PCDHGB2: variants seen among roughly 807,000 people sequenced by gnomAD.
PCDHGB2 encodes the protein protocadherin gamma subfamily B, 2, also known as protocadherin gamma-B2.
A neutral mutation model predicts 59.3 loss-of-function variants in PCDHGB2; 55 were observed. That is an observed-to-expected ratio of 0.93 (90% CI 0.75 to 1.16). PCDHGB2 has a LOEUF of 1.16. PCDHGB2 is among the 50% of genes most tolerant of loss of function. The probability of loss-of-function intolerance (pLI) is 0.00; values close to 1 mark genes in which losing one functional copy is unlikely to be tolerated. For missense variants in PCDHGB2, 1,228 were observed against 1,198.5 expected, an observed-to-expected ratio of 1.02 and a Z score of -0.36; for synonymous variants, 516 against 512.0, an observed-to-expected ratio of 1.01 and a Z score of -0.11.
chr5:141,501,945 T>C (rs1318749969), intron 2 of PCDHGB2, among the ~76,000 whole-genome samples: 1 of 152,106 alleles, frequency 6.6e-6, no homozygotes, highest in Non-Finnish European at 1.5e-5. Context: ...CACTGCTCCC[T>C]GTGACAGGTC....
chr5:141,371,769 G>C lies in PCDHGB2; in HGVS notation c.2421+9213G>C, dbSNP rs755229487. Reference sequence around the variant, plus strand: ...CGTTTTCCACCAGGCCTCCTACACCGTGCATGTAGCTGAGAACAATCCGCC... The same window carrying C: ...CGTTTTCCACCAGGCCTCCTACACCCTGCATGTAGCTGAGAACAATCCGCC... On this transcript the variant is annotated intron_variant, in intron 1 of 3. Transcript: ENST00000522605. 43 of 1,613,880 alleles carry C rather than the reference G, an allele frequency of 2.7e-5. No individual in the cohort carries two copies. Among genetic ancestry groups the C allele is most frequent in the Admixed American group, 6.7e-5 (4 of 60,016 alleles).
intron 1 of PCDHGB2, chr5:141,384,517 C>G: frequency 6.2e-7 from 1 of 1,614,192 alleles, no homozygotes; most frequent in South Asian, 1.1e-5. Context: ...CAGCGGGGAC[C>G]CGCCTCTCAG....
At chr5:141,415,725 T>A in intron 1 of PCDHGB2, 1 of 1,437,122 alleles carries the variant, frequency 7.0e-7, no homozygotes, top group Non-Finnish European at 9.2e-7. Context: ...TGAGTAGAAT[T>A]TGATGTTTAT....
At position 141,394,297 on chromosome 5, in the gene PCDHGB2, C is replaced by T. The variant is rs375160983; in HGVS notation, c.2421+31741C>T. 8.1e-6 allele frequency: 13 copies of T among 1,613,872 alleles called. No homozygotes were observed. Among genetic ancestry groups the T allele is most frequent in the African/African-American group, 1.3e-5 (1 of 74,926 alleles). ...GTCACTTACTCTGTGACCGAGGACA[C>T]GCTGCAGGGGGCGCCCCTGTCCTCG... On this transcript the variant is annotated intron_variant, in intron 1 of 3. Coordinates refer to ENST00000522605, the MANE Select transcript of PCDHGB2 (RefSeq NM_018923.3).
At chr5:141,483,656 G>A (rs1345435222) in intron 1 of PCDHGB2, among the ~76,000 whole-genome samples, 1 of 151,984 alleles carries the variant, frequency 6.6e-6, no homozygotes, top group Non-Finnish European at 1.5e-5. Flanking sequence ...GTTTGTGTGT[G>A]TGTGTGTGTG....
chr5:141,372,313 A>G (rs774275406), intron 1 of PCDHGB2: 5 of 1,613,456 alleles, frequency 3.1e-6, no homozygotes, highest in Middle Eastern at 1.6e-4. Flanking sequence ...GCCGCCCGCC[A>G]GCGCCTGCTG....
Position 141,360,442 on chromosome 5 carries a change from G to A in PCDHGB2, c.307G>A (p.Val103Ile). Residue 103 changes from valine to isoleucine, a missense_variant, in exon 1 of 4, where the codon GTT (valine) becomes ATT (isoleucine). Physicochemically the swap from Val to Ile is conservative, Grantham distance 29. Coordinates refer to ENST00000522605, the MANE Select transcript of PCDHGB2 (RefSeq NM_018923.3). ...GATATGCGGGAAGCAGCCTCTGTGT[G>A]TTCTGGATTTCGATACTGTCGCTGA... ...EQICGKQPLC[V>I]LDFDTVAENP... The A allele has an allele frequency of 1.2e-6, 2 of 1,613,972 alleles. No individual in the cohort carries two copies. The highest frequency in any genetic ancestry group is 2.7e-5 in the African/African-American group (2 of 75,032).
At chr5:141,366,297 C>G in intron 1 of PCDHGB2, 1 of 1,613,766 alleles carries the variant, frequency 6.2e-7, no homozygotes. Flanking sequence ...CCTCTGTCAG[C>G]CACCTTCACG....
chr5:141,491,857 G>A lies in PCDHGB2; in HGVS notation c.2422-2950G>A. Reference sequence around the variant, plus strand: ...CTCGGGATCATTGGACCGTTTGCGCGAAACCAGAGTGGCCGATTAAGGGAT... The same window carrying A: ...CTCGGGATCATTGGACCGTTTGCGCAAAACCAGAGTGGCCGATTAAGGGAT... On this transcript the variant is annotated intron_variant, in intron 1 of 3. Transcript: ENST00000522605. This position sits in a 1 kb window ranked among gnomAD's most constrained non-coding sequence, Gnocchi z 6.9. The A allele has an allele frequency of 6.9e-7, 1 of 1,457,470 alleles. No homozygotes were observed. The highest frequency in any genetic ancestry group is 1.5e-5 in the South Asian group (1 of 68,508). The allele number at this position is 1,457,470 out of a possible 1,614,324, so 90.3% of individuals were successfully genotyped here. A position where few individuals can be genotyped will look rare whatever the true frequency, so the allele number is the denominator to read the frequency against.
chr5:141,399,008 G>GC, intron 1 of PCDHGB2: 1 of 1,613,904 alleles, frequency 6.2e-7, no homozygotes, highest in Non-Finnish European at 8.5e-7. Flanking sequence ...AATTCAAAGA[G>GC]CGGAGAAATT....
rs761396116 is a variant in PCDHGB2 at position 141,409,790 on chromosome 5, C to T, written c.2421+47234C>T. 4 of 1,612,010 alleles carry T rather than the reference C, an allele frequency of 2.5e-6. No homozygotes were observed. The Admixed American group carries it at 5.0e-5, about 20-fold the overall frequency. ...TCACGAGCAGCTGCGCGCCTTCGCGCTCACGCTGCAGGCCCGCGACCACGG... is the reference window on the plus strand; with the variant it reads ...TCACGAGCAGCTGCGCGCCTTCGCGTTCACGCTGCAGGCCCGCGACCACGG... On this transcript the variant is annotated intron_variant, in intron 1 of 3. Transcript: ENST00000522605.
intron 1 of PCDHGB2, chr5:141,418,087 C>G (rs2096220274): frequency 6.2e-7 from 1 of 1,613,894 alleles, no homozygotes; most frequent in African/African-American, 1.3e-5. Context: ...TGCACTTCAG[C>G]GTAGACGCGC....
chr5:141,421,446 A>G, intron 1 of PCDHGB2: 1 of 1,614,106 alleles, frequency 6.2e-7, no homozygotes, highest in Non-Finnish European at 8.5e-7. Flanking sequence ...GAGGGAAGAC[A>G]CAGCTTTTCG....
rs2099687715 is a variant in PCDHGB2, at chr5:141,489,479, T to G, written c.2422-5328T>G. 1.2e-6 allele frequency: 2 copies of G among 1,614,090 alleles called. No individual in the cohort carries two copies. The highest frequency in any genetic ancestry group is 1.7e-6 in the Non-Finnish European group (2 of 1,180,010). ...GGGCGCTATTTTTCCCTGAGCTTGATGAGTGGTGCCCTGGCAGTGAATCAA... is the reference window on the plus strand; with the variant it reads ...GGGCGCTATTTTTCCCTGAGCTTGAGGAGTGGTGCCCTGGCAGTGAATCAA... On this transcript the variant is annotated intron_variant, in intron 1 of 3. Transcript: ENST00000522605. This position sits in a 1 kb window ranked among gnomAD's most constrained non-coding sequence, Gnocchi z 4.5.
intron 1 of PCDHGB2, chr5:141,395,506 G>T: frequency 4.6e-6 from 2 of 433,794 alleles, no homozygotes; most frequent in Non-Finnish European, 8.1e-6. Flanking sequence ...CACTTAAGAA[G>T]TAGCTACCCG....
At position 141,432,143 on chromosome 5, in the gene PCDHGB2, C is replaced by A; in HGVS notation, c.2422-62664C>A. The A allele has an allele frequency of 6.2e-7, 1 of 1,614,084 alleles. No homozygotes were observed. Among genetic ancestry groups the A allele is most frequent in the South Asian group, 1.1e-5 (1 of 91,068 alleles). On this transcript the variant is annotated intron_variant, in intron 1 of 3. Transcript: ENST00000522605. The surrounding 1 kb of genome is among the most constrained non-coding windows in gnomAD (Gnocchi z 6.0). ...TCAGGCCTCCTATTCCGCTTATATC[C>A]CAGAGAACAATCCCAGAGGAGTTTC... is the stretch of plus-strand genomic sequence containing the variant.
intron 1 of PCDHGB2, chr5:141,392,926 A>G (rs1180746876): frequency 9.3e-6 from 15 of 1,613,946 alleles, no homozygotes; most frequent in Non-Finnish European, 1.3e-5. Context: ...GTGCCAGAAG[A>G]GACGGACAAA....
At chr5:141,393,459 G>C (rs988813968) in intron 1 of PCDHGB2, 1 of 1,613,928 alleles carries the variant, frequency 6.2e-7, no homozygotes, top group Non-Finnish European at 8.5e-7. Flanking sequence ...CACGGCCTCG[G>C]ATGGCGGCAA....
chr5:141,410,224 C>T, intron 1 of PCDHGB2: 2 of 1,614,028 alleles, frequency 1.2e-6, no homozygotes, highest in Non-Finnish European at 8.5e-7. Context: ...TACTGCCAGA[C>T]CTCAGCGACC....
Sources: allele counts gnomAD v4.1 joint callset (sites outside exome capture counted in the v4.1 genomes callset), GRCh38; gene constraint gnomAD v4.1.1; non-coding constraint Gnocchi (gnomAD v3.1); transcripts MANE v1.5; gene names NCBI Gene and HGNC (gene_info 2026-07-23, HGNC 2026-07-21).